Variants in GALNTL6 observed in about 807,000 individuals in gnomAD.
GALNTL6 encodes the protein polypeptide N-acetylgalactosaminyltransferase-like 6.
GALNTL6 carries 46 observed loss-of-function variants against 73.7 expected under a neutral mutation model. The observed-to-expected ratio is 0.62, with a 90% CI of 0.49 to 0.80. GALNTL6 has a LOEUF of 0.80. Among genes scored for constraint, GALNTL6 ranks in the 30% least tolerant of loss-of-function variants. The probability of loss-of-function intolerance (pLI) is 0.00; values close to 1 mark genes in which losing one functional copy is unlikely to be tolerated. For synonymous variants in GALNTL6, 259 were observed against 263.7 expected (o/e 0.98, Z 0.17); for missense variants, 604 against 755.0 (o/e 0.80, Z 2.34).
At chr4:172,943,499 G>C (rs1286332035) in intron 9 of GALNTL6, among the ~76,000 whole-genome samples, 2 of 152,186 alleles carry the variant, frequency 1.3e-5, no homozygotes, top group African/African-American at 4.8e-5. Flanking sequence ...GTGTGAGATA[G>C]GGTGTTATTT....
rs1363569095 is a variant in GALNTL6, at chr4:171,835,637, GTC to G, written c.138+20923_138+20924del. On this transcript the variant is annotated intron_variant, in intron 2 of 12. Coordinates refer to ENST00000506823, the MANE Select transcript of GALNTL6 (RefSeq NM_001034845.3). ...GCATTAATTTTTAAAGCAATTGACA[GTC>G]TCTAATTATTCAAATCTAGAGAAAA... Among the ~76,000 whole-genome samples the G allele has an allele frequency of 2.0e-5, 3 of 151,950 alleles. No homozygotes were observed. The East Asian group carries it at 5.8e-4, about 29-fold the overall frequency.
intron 5 of GALNTL6, among the ~76,000 whole-genome samples, chr4:172,748,838 TG>T (rs1737259552): frequency 6.6e-6 from 1 of 152,246 alleles, no homozygotes; most frequent in Admixed American, 6.5e-5. Flanking sequence ...CATTCCATAA[TG>T]TATACAGGTA....
chr4:172,183,731 C>T (rs1392696929), intron 2 of GALNTL6, among the ~76,000 whole-genome samples: 2 of 151,966 alleles, frequency 1.3e-5, no homozygotes, highest in African/African-American at 2.4e-5. Context: ...TTCCATGAGC[C>T]CCTTGTGTTT....
chr4:172,764,586 A>T (rs1424327316), intron 5 of GALNTL6, among the ~76,000 whole-genome samples: 1 of 152,160 alleles, frequency 6.6e-6, no homozygotes, highest in Non-Finnish European at 1.5e-5. Context: ...AAAACTCTGA[A>T]AGTGATCTTT....
At chr4:172,152,566 G>C (rs1290091801) in intron 2 of GALNTL6, among the ~76,000 whole-genome samples, 1 of 152,192 alleles carries the variant, frequency 6.6e-6, no homozygotes, top group African/African-American at 2.4e-5. Flanking sequence ...ATGTAAGAAT[G>C]AGTAACGAAG....
chr4:172,421,839 A>G (rs181450588), intron 5 of GALNTL6, among the ~76,000 whole-genome samples: 93 of 152,176 alleles, frequency 6.1e-4, no homozygotes, highest in African/African-American at 2.1e-3. Flanking sequence ...GCCCCCAGAC[A>G]TGCATAAAAT....
At chr4:172,110,149 G>A (rs1188753415) in intron 2 of GALNTL6, among the ~76,000 whole-genome samples, 1 of 152,042 alleles carries the variant, frequency 6.6e-6, no homozygotes, top group Non-Finnish European at 1.5e-5. Context: ...ATTTTGGAAG[G>A]CAAGGCTTAT....
intron 7 of GALNTL6, among the ~76,000 whole-genome samples, chr4:172,841,889 T>C (rs1215638070): frequency 6.6e-6 from 1 of 152,244 alleles, no homozygotes; most frequent in East Asian, 1.9e-4. Context: ...GCATCATTAA[T>C]ACCTGCCATG....
At chr4:171,928,316 G>A (rs1738057640) in intron 2 of GALNTL6, among the ~76,000 whole-genome samples, 1 of 152,122 alleles carries the variant, frequency 6.6e-6, no homozygotes, top group African/African-American at 2.4e-5. Context: ...TTGAGGTCAG[G>A]GAGTTTAAAA....
chr4:172,265,110 C>T (rs946985048), intron 3 of GALNTL6, among the ~76,000 whole-genome samples: 7 of 152,012 alleles, frequency 4.6e-5, no homozygotes, highest in African/African-American at 1.4e-4. Flanking sequence ...TCTTAAGCAC[C>T]TTGCTGGTCC....
chr4:172,799,890 A>G (rs1740518800), intron 5 of GALNTL6, among the ~76,000 whole-genome samples: 1 of 152,224 alleles, frequency 6.6e-6, no homozygotes, highest in Non-Finnish European at 1.5e-5. Flanking sequence ...TGATGAATGG[A>G]TAAACAACAC....
In GALNTL6 at chr4:172,490,447, G is replaced by A. The variant is rs181077901; in HGVS notation, c.553+141758G>A. Among the ~76,000 whole-genome samples, 464 of 152,110 alleles carry A rather than the reference G, an allele frequency of 3.1e-3. 2 individuals carry two copies. Among genetic ancestry groups the A allele is most frequent in the African/African-American group, 0.01 (431 of 41,520 alleles). On this transcript the variant is annotated intron_variant, in intron 5 of 12. Coordinates refer to ENST00000506823, the MANE Select transcript of GALNTL6 (RefSeq NM_001034845.3). ...TTTTCTGCATTTTTAAAGCCCTAAA[G>A]TATCTTGGAGCACCTTATAGATTGT...
chr4:172,811,399 G>A (rs1244547391), intron 6 of GALNTL6, among the ~76,000 whole-genome samples: 1 of 152,176 alleles, frequency 6.6e-6, no homozygotes, highest in African/African-American at 2.4e-5. Context: ...TGATGGTCAA[G>A]GAACTTGTAA....
intron 2 of GALNTL6, among the ~76,000 whole-genome samples, chr4:172,097,516 ATCCCTTCCTCTC>A (rs777957268): frequency 2.0e-4 from 30 of 152,094 alleles, no homozygotes; most frequent in Admixed American, 3.3e-4. Flanking sequence ...GTAACTCATT[ATCCCTTCCTCTC>A]TCCCTTCCTC....
intron 10 of GALNTL6, among the ~76,000 whole-genome samples, chr4:172,979,022 T>C (rs1750960196): frequency 6.6e-6 from 1 of 152,262 alleles, no homozygotes; most frequent in African/African-American, 2.4e-5. Flanking sequence ...CCTGCAAAGC[T>C]CTTACCTCAA....
At chr4:173,016,061 C>T (rs972399140) in intron 11 of GALNTL6, among the ~76,000 whole-genome samples, 31 of 152,226 alleles carry the variant, frequency 2.0e-4, no homozygotes, top group Non-Finnish European at 2.9e-5. Context: ...TTAGCACCTT[C>T]CATGTAGTGT....
At chr4:172,411,682 C>T (rs1336453539) in intron 5 of GALNTL6, among the ~76,000 whole-genome samples, 1 of 151,728 alleles carries the variant, frequency 6.6e-6, no homozygotes, top group African/African-American at 2.4e-5. Context: ...TCCAGTTGTC[C>T]TAAGGGCTGA....
chr4:171,995,088 C>T (rs1214262408), intron 2 of GALNTL6, among the ~76,000 whole-genome samples: 1 of 151,666 alleles, frequency 6.6e-6, no homozygotes, highest in Admixed American at 6.6e-5. Flanking sequence ...ATTATAATTC[C>T]TATTTTTATT....
intron 5 of GALNTL6, among the ~76,000 whole-genome samples, chr4:172,648,335 C>G (rs115214594): frequency 5.4e-4 from 82 of 152,240 alleles, no homozygotes; most frequent in African/African-American, 1.9e-3. Context: ...AAAGCTGTTT[C>G]TGATGATTGC....
Sources: allele counts gnomAD v4.1 joint callset (sites outside exome capture counted in the v4.1 genomes callset), GRCh38; gene constraint gnomAD v4.1.1; transcripts MANE v1.5; gene names NCBI Gene and HGNC (gene_info 2026-07-23, HGNC 2026-07-21).